CCDC149: variants seen among roughly 807,000 people sequenced by gnomAD.
CCDC149 encodes the protein coiled-coil domain-containing protein 149.
CCDC149 carries 45 observed loss-of-function variants against 59.9 expected under a neutral mutation model. The observed-to-expected ratio is 0.75, with a 90% CI of 0.59 to 0.96. CCDC149 has a LOEUF of 0.96. Among genes scored for constraint, CCDC149 ranks in the 40% least tolerant of loss-of-function variants. The probability of loss-of-function intolerance (pLI) is 0.00; values close to 1 mark genes in which losing one functional copy is unlikely to be tolerated. For missense variants in CCDC149, 584 were observed against 664.7 expected (o/e 0.88, Z 1.33); for synonymous variants, 245 against 260.6 (o/e 0.94, Z 0.58).
At chr4:24,920,366 T>C (rs1722252451) in intron 1 of CCDC149, among the ~76,000 whole-genome samples, 1 of 152,210 alleles carries the variant, frequency 6.6e-6, no homozygotes, top group Admixed American at 6.5e-5. Flanking sequence ...CCCCGCCTCA[T>C]GTCTTTTCAT....
At chr4:24,922,115 C>T (rs1337517009) in intron 1 of CCDC149, among the ~76,000 whole-genome samples, 1 of 152,088 alleles carries the variant, frequency 6.6e-6, no homozygotes, top group Admixed American at 6.5e-5. Context: ...TTTATAAGGA[C>T]ACCTGTCATA....
At chr4:24,965,453 C>T (rs913235555) in intron 1 of CCDC149, among the ~76,000 whole-genome samples, 6 of 143,730 alleles carry the variant, frequency 4.2e-5, no homozygotes, top group Non-Finnish European at 4.4e-5. Context: ...TGTTCTCTGA[C>T]CACAGTGGAA....
chr4:24,949,123 G>A (rs1723202333), intron 1 of CCDC149, among the ~76,000 whole-genome samples: 1 of 152,188 alleles, frequency 6.6e-6, no homozygotes, highest in Non-Finnish European at 1.5e-5. Flanking sequence ...AACGGCTGTT[G>A]TTAGCCTCCA....
chr4:24,838,589 C>G (rs560076410), intron 4 of CCDC149, among the ~76,000 whole-genome samples: 1 of 152,176 alleles, frequency 6.6e-6, no homozygotes, highest in South Asian at 2.1e-4. Context: ...TAACCCAATG[C>G]TGGAAGATCT....
chr4:24,856,519 A>T (rs936952729), intron 3 of CCDC149, among the ~76,000 whole-genome samples: 12 of 152,214 alleles, frequency 7.9e-5, no homozygotes, highest in African/African-American at 2.7e-4. Flanking sequence ...TTGAAAAAGG[A>T]GAGAGAGAGC....
Position 24,808,769 on chromosome 4 carries a change from A to G in CCDC149, c.1243T>C (p.Leu415=). The G allele has an allele frequency of 6.4e-7, 1 of 1,551,724 alleles. No individual in the cohort carries two copies. Among genetic ancestry groups the G allele is most frequent in the Middle Eastern group, 1.7e-4 (1 of 5,992 alleles). ...CTCCCAGCATCCTCAGGCGCTGTCA[A>G]CGCCTCAGCAGCGGCACAACTTTCA... is the stretch of plus-strand genomic sequence containing the variant. Residue 415 remains leucine (L), a synonymous_variant, in exon 13 of 13, where the codon TTG becomes CTG. Coordinates refer to ENST00000635206, the MANE Select transcript of CCDC149 (RefSeq NM_001330643.2).
chr4:24,861,250 G>GATATAT (rs149917356), intron 3 of CCDC149, among the ~76,000 whole-genome samples: 65 of 150,516 alleles, frequency 4.3e-4, no homozygotes, highest in African/African-American at 1.5e-3. Flanking sequence ...AATAATATGT[G>GATATAT]ATATATATAT....
At chr4:24,922,152 G>A (rs1471436389) in intron 1 of CCDC149, among the ~76,000 whole-genome samples, 2 of 152,092 alleles carry the variant, frequency 1.3e-5, no homozygotes, top group Admixed American at 6.5e-5. Flanking sequence ...CCCAACTCCA[G>A]TATTTCATCT....
intron 1 of CCDC149, among the ~76,000 whole-genome samples, chr4:24,961,413 C>T (rs1180408627): frequency 6.6e-6 from 1 of 152,160 alleles, no homozygotes; most frequent in Admixed American, 6.5e-5. Context: ...CAATGCCATC[C>T]CCATCAAGCT....
chr4:24,957,259 T>G (rs1365142327), intron 1 of CCDC149, among the ~76,000 whole-genome samples: 1 of 152,138 alleles, frequency 6.6e-6, no homozygotes, highest in Admixed American at 6.5e-5. Context: ...TAGATAGAAA[T>G]GGTACCTCTG....
chr4:24,865,500 T>C (rs534406296), intron 3 of CCDC149, among the ~76,000 whole-genome samples: 1 of 152,344 alleles, frequency 6.6e-6, no homozygotes, highest in South Asian at 2.1e-4. Flanking sequence ...TGATGACCTT[T>C]GCTATAGCGA....
intron 2 of CCDC149, among the ~76,000 whole-genome samples, 194 bp downstream of exon 2, chr4:24,876,330 CACACACACACAG>C (rs1182793983): frequency 0.03 from 4,149 of 139,860 alleles, 191 homozygotes; most frequent in African/African-American, 0.1. Context: ...CACACACACA[CACACACACACAG>C]AGAGAGAGAG....
At chr4:24,938,907 T>C (rs1465113205) in intron 1 of CCDC149, among the ~76,000 whole-genome samples, 6 of 152,234 alleles carry the variant, frequency 3.9e-5, no homozygotes, top group Non-Finnish European at 8.8e-5. Flanking sequence ...AAGCTTGAAC[T>C]GGGTGGAGCC....
chr4:24,878,091 T>A (rs756365725), intron 1 of CCDC149, among the ~76,000 whole-genome samples: 1 of 152,100 alleles, frequency 6.6e-6, no homozygotes, highest in Non-Finnish European at 1.5e-5. Context: ...GAGTCAATGC[T>A]CTTTTATGGA....
At chr4:24,904,739 A>G (rs1237277111) in intron 1 of CCDC149, among the ~76,000 whole-genome samples, 2 of 152,136 alleles carry the variant, frequency 1.3e-5, no homozygotes, top group Non-Finnish European at 2.9e-5. Flanking sequence ...TCTAATAGGT[A>G]TGTTGTGGTA....
chr4:24,937,152 G>A (rs540767926), intron 1 of CCDC149, among the ~76,000 whole-genome samples: 1 of 152,248 alleles, frequency 6.6e-6, no homozygotes, highest in Admixed American at 6.5e-5. Context: ...TTTATTAGAA[G>A]GTTATCAAGA....
rs1720075326 is a variant in CCDC149, at chr4:24,885,004, G to A, written c.64-8307C>T. On this transcript the variant is annotated intron_variant, in intron 1 of 12. Coordinates refer to ENST00000635206, the MANE Select transcript of CCDC149 (RefSeq NM_001330643.2). ...AGTGACAGGGAAAATGTTACTCCTG[G>A]CTGGGAAACAGCCATAGCAAAGCAC... Among the ~76,000 whole-genome samples the A allele has an allele frequency of 2.0e-5, 3 of 152,280 alleles. 1 individual carries two copies. The South Asian group carries it at 6.2e-4, about 32-fold the overall frequency.
chr4:24,816,509 G>A (rs1157521413), intron 12 of CCDC149, among the ~76,000 whole-genome samples: 1 of 152,162 alleles, frequency 6.6e-6, no homozygotes, highest in African/African-American at 2.4e-5. Context: ...GTTACTTGCT[G>A]TGGGAGCAAA....
chr4:24,945,377 G>T (rs953580217), intron 1 of CCDC149, among the ~76,000 whole-genome samples: 17 of 152,266 alleles, frequency 1.1e-4, no homozygotes, highest in African/African-American at 3.6e-4. Context: ...CACATAAGGA[G>T]GTGCCATGTA....
Sources: gnomAD v4.1 joint callset for allele counts (sites outside exome capture counted in the v4.1 genomes callset) on GRCh38, gnomAD v4.1.1 for gene constraint, MANE v1.5 for transcripts, NCBI Gene and HGNC (gene_info 2026-07-23, HGNC 2026-07-21) for gene names.